The following PUM1 variants were observed in gnomAD, a reference collection of about 807,000 sequenced individuals.
PUM1 encodes the protein pumilio RNA binding family member 1.
PUM1 carries 13 observed loss-of-function variants against 131.8 expected under a neutral mutation model. The observed-to-expected ratio is 0.10, with a 90% confidence interval of 0.06 to 0.16. The LOEUF is 0.16. Ranked by LOEUF, PUM1 falls within the 10% of genes least tolerant of loss-of-function variation. The probability of loss-of-function intolerance (pLI) is 1.00; values close to 1 mark genes in which losing one functional copy is unlikely to be tolerated. For synonymous variants in PUM1, 509 were observed against 556.5 expected (o/e 0.91, Z 1.20); for missense variants, 961 against 1,512.4 (o/e 0.64, Z 6.05).
intron 10 of PUM1, among the ~76,000 whole-genome samples, chr1:30,973,912 A>T (rs1641031625): frequency 6.6e-6 from 1 of 152,118 alleles, no homozygotes; most frequent in Non-Finnish European, 1.5e-5. Context: ...ACATGGTGAA[A>T]CCCCATTTCT....
chr1:31,027,924 T>C (rs1410473976), intron 3 of PUM1, among the ~76,000 whole-genome samples: 1 of 152,192 alleles, frequency 6.6e-6, no homozygotes, highest in African/African-American at 2.4e-5. Flanking sequence ...AGCTATCAAA[T>C]ATTAGATACA....
At chr1:30,998,861 C>T (rs904531076) in intron 5 of PUM1, among the ~76,000 whole-genome samples, 1 of 152,050 alleles carries the variant, frequency 6.6e-6, no homozygotes, top group South Asian at 2.1e-4. Flanking sequence ...GTTCAAGATC[C>T]TTAAAATGGT....
rs755316085 is a variant in PUM1 at position 30,952,377 on chromosome 1, TA to T, written c.2592-15del. 2 of 1,613,374 alleles carry T rather than the reference TA, an allele frequency of 1.2e-6. No individual in the cohort carries two copies. The highest frequency in any genetic ancestry group is 2.2e-5 in the South Asian group (2 of 91,068). On this transcript the variant is annotated splice_polypyrimidine_tract_variant and intron_variant, in intron 15 of 21. Transcript: ENST00000426105. ...AGCTGAATGAATCTGAAGTACAAAG[TA>T]AAAAGGGCAATCACAGCACTGAAGG...
chr1:30,992,372 C>T lies in PUM1; in HGVS notation c.1158+18G>A. ...GCTGGAGGGAGAGTAGAGAGGGTGA[C>T]AGAGACACACACAGTACCTGTTGTT... On this transcript the variant is annotated intron_variant, in intron 7 of 21. Transcript: ENST00000426105. 6.2e-7 allele frequency: 1 copy of T among 1,607,714 alleles called. No homozygotes were observed. The highest frequency in any genetic ancestry group is 8.5e-7 in the Non-Finnish European group (1 of 1,176,202).
At chr1:30,952,194 G>A in intron 16 of PUM1, 40 bp downstream of exon 16, 1 of 1,595,458 alleles carries the variant, frequency 6.3e-7, no homozygotes, top group South Asian at 1.1e-5. Context: ...ATGCTCTGCA[G>A]ATTCTCTTAA....
chr1:30,972,271 G>A (rs1485064120), intron 10 of PUM1, among the ~76,000 whole-genome samples: 4 of 754 alleles, frequency 5.3e-3, no homozygotes, highest in South Asian at 0.083. Context: ...AAGAAAAGAA[G>A]GGAAGGGAAG....
At chr1:30,974,452 C>G (rs556834607) in intron 10 of PUM1, among the ~76,000 whole-genome samples, 199 bp downstream of exon 10, 2 of 152,286 alleles carry the variant, frequency 1.3e-5, no homozygotes, top group East Asian at 3.9e-4. Flanking sequence ...GTTACCCCAC[C>G]TAGGTACAAT....
At chr1:30,984,218 TA>T (rs1264538599) in intron 7 of PUM1, among the ~76,000 whole-genome samples, 1 of 152,252 alleles carries the variant, frequency 6.6e-6, no homozygotes, top group Non-Finnish European at 1.5e-5. Flanking sequence ...AAGTAAATTA[TA>T]CATCTACAGC....
intron 2 of PUM1, among the ~76,000 whole-genome samples, chr1:31,057,853 C>G (rs1296212494): frequency 6.6e-6 from 1 of 151,770 alleles, no homozygotes; most frequent in Admixed American, 6.6e-5. Flanking sequence ...GCACTAGAAG[C>G]CTAATGAAAA....
At chr1:30,935,372 C>G (rs1639161725) in intron 21 of PUM1, among the ~76,000 whole-genome samples, 1 of 152,192 alleles carries the variant, frequency 6.6e-6, no homozygotes, top group Non-Finnish European at 1.5e-5. Flanking sequence ...GACACCCTGC[C>G]CATTCCTGGA....
Position 30,980,143 on chromosome 1 carries a change from C to T in PUM1, c.1273G>A (p.Val425Ile). 1 of 1,613,934 alleles carries T rather than the reference C, an allele frequency of 6.2e-7. No homozygotes were observed. The change falls in exon 9 of 22, where the codon GTC becomes ATC. Residue 425 changes from valine to isoleucine, a missense_variant. Transcript: ENST00000426105. ...PHIGLAPAAF[V>I]PNPYIISAAP... ...GCGCTGATGATGTATGGATTGGGGACAAACGCAGCGGGAGCTAAACCTGCT... is the reference window on the plus strand; with the variant it reads ...GCGCTGATGATGTATGGATTGGGGATAAACGCAGCGGGAGCTAAACCTGCT...
chr1:30,989,263 A>G (rs1477694465), intron 7 of PUM1, among the ~76,000 whole-genome samples: 1 of 152,130 alleles, frequency 6.6e-6, no homozygotes, highest in African/African-American at 2.4e-5. Flanking sequence ...AAGTCTTTCA[A>G]GGCACAGCTA....
intron 5 of PUM1, 85 bp from the exon 6 acceptor site, chr1:30,995,305 T>C (rs1240423399): frequency 7.1e-6 from 10 of 1,407,326 alleles, no homozygotes; most frequent in African/African-American, 2.8e-5. Context: ...CTACACTAGA[T>C]GCTACTCAGA....
At chr1:31,000,522 C>A (rs77162802) in intron 5 of PUM1, among the ~76,000 whole-genome samples, 19 of 152,276 alleles carry the variant, frequency 1.2e-4, no homozygotes, top group African/African-American at 4.3e-4. Flanking sequence ...AATCCATGCA[C>A]TTATGGCTCA....
At position 30,967,201 on chromosome 1, in the gene PUM1, G is replaced by C; in HGVS notation, c.1755C>G (p.Ala585=). The C allele has an allele frequency of 6.2e-7, 1 of 1,614,060 alleles. No individual in the cohort carries two copies. The highest frequency in any genetic ancestry group is 8.5e-7 in the Non-Finnish European group (1 of 1,180,000). The change falls in exon 12 of 22, where the codon GCC becomes GCG. Residue 585 remains alanine (A), a synonymous_variant. Coordinates refer to ENST00000426105, the MANE Select transcript of PUM1 (RefSeq NM_001020658.2). ...LGAPVRLVAP[A]PVIISSSAAQ... is the part of the protein sequence containing the mutation. ...CAGCTGAGGAACTAATGATGACTGG[G>C]GCAGGAGCTACAAGTCGAACAGGAG...
At chr1:30,989,561 G>T (rs1339454518) in intron 7 of PUM1, among the ~76,000 whole-genome samples, 2 of 91,372 alleles carry the variant, frequency 2.2e-5, no homozygotes, top group Non-Finnish European at 1.9e-5. Flanking sequence ...AAAAGAGTGA[G>T]ACTCCGTCTC....
intron 2 of PUM1, among the ~76,000 whole-genome samples, chr1:31,035,422 G>A (rs186660674): frequency 6.6e-6 from 1 of 151,496 alleles, no homozygotes; most frequent in East Asian, 2.0e-4. Context: ...TAACTACCCT[G>A]AAAACACAGA....
At chr1:31,037,317 C>G (rs1643642481) in intron 2 of PUM1, 1 of 152,250 alleles carries the variant, frequency 6.6e-6, no homozygotes, top group South Asian at 2.1e-4. Context: ...AGAAACTGTC[C>G]AAGTATCGGT....
chr1:31,045,861 C>G (rs2124579083), intron 2 of PUM1, among the ~76,000 whole-genome samples: 1 of 152,204 alleles, frequency 6.6e-6, no homozygotes, highest in East Asian at 1.9e-4. Context: ...GCGGGTGGAT[C>G]ACTTGAGGCC....
Sources: allele counts gnomAD v4.1 joint callset (sites outside exome capture counted in the v4.1 genomes callset), GRCh38; gene constraint gnomAD v4.1.1; transcripts MANE v1.5; gene names NCBI Gene and HGNC (gene_info 2026-07-23, HGNC 2026-07-21).